Variants in COL22A1 observed in about 807,000 individuals in gnomAD.
The protein encoded by COL22A1 is collagen type XXII alpha 1 chain, also known as collagen alpha-1(XXII) chain.
In COL22A1, 221 loss-of-function variants were observed where a neutral mutation model predicts 248.9. That is an observed-to-expected ratio of 0.89 (90% CI 0.80 to 0.99). COL22A1 has a LOEUF of 0.99. Among genes scored for constraint, COL22A1 ranks in the 50% least tolerant of loss-of-function variants. COL22A1 has a pLI of 0.00. For synonymous variants in COL22A1, 891 were observed against 793.4 expected (o/e 1.12, Z -2.07); for missense variants, 2,240 against 2,179.0 (o/e 1.03, Z -0.56).
chr8:138,692,924 C>T (rs914794477), intron 35 of COL22A1, among the ~76,000 whole-genome samples: 2 of 152,162 alleles, frequency 1.3e-5, no homozygotes, highest in African/African-American at 2.4e-5. Flanking sequence ...GTCATATCAG[C>T]ACCCTCTACC....
chr8:138,696,484 C>A (rs1206568573), intron 32 of COL22A1, among the ~76,000 whole-genome samples: 3 of 152,186 alleles, frequency 2.0e-5, no homozygotes, highest in African/African-American at 7.2e-5. Context: ...GTGGAGAAAT[C>A]AGCATAGAAA....
At chr8:138,631,876 T>C (rs62527863) in intron 49 of COL22A1, among the ~76,000 whole-genome samples, 14,920 of 152,250 alleles carry the variant, frequency 0.098, 1,654 homozygotes, top group African/African-American at 0.27. Context: ...CTAGTGTTTA[T>C]TGATTTCTCA....
intron 4 of COL22A1, among the ~76,000 whole-genome samples, chr8:138,838,248 G>T (rs1318544814): frequency 6.6e-6 from 1 of 152,162 alleles, no homozygotes; most frequent in Non-Finnish European, 1.5e-5. Context: ...TCTCACAGAG[G>T]TGGGGTCCCT....
In COL22A1 at chr8:138,803,610, C is replaced by T. The variant is rs148586525; in HGVS notation, c.1495-676G>A. On this transcript the variant is annotated intron_variant, in intron 10 of 64. Transcript: ENST00000303045. The stretch of plus-strand genomic sequence containing the variant: ...TTCAATTTGTATAACAAGTCCATCC[C>T]TGTGTACCTGGGGCCCTCATAACTG... Among the ~76,000 whole-genome samples, 404 of 152,294 alleles carry T rather than the reference C, an allele frequency of 2.7e-3. 1 individual carries two copies. The highest frequency in any genetic ancestry group is 9.2e-3 in the African/African-American group (382 of 41,558).
intron 1 of COL22A1, among the ~76,000 whole-genome samples, chr8:138,896,121 G>C (rs558364517): frequency 6.6e-6 from 1 of 152,224 alleles, no homozygotes; most frequent in South Asian, 2.1e-4. Flanking sequence ...CCACTCACAG[G>C]CTTACCTTTG....
chr8:138,706,120 C>T (rs1484805271), intron 30 of COL22A1, among the ~76,000 whole-genome samples: 1 of 152,164 alleles, frequency 6.6e-6, no homozygotes, highest in Non-Finnish European at 1.5e-5. Flanking sequence ...AATACAGGAG[C>T]ACCCAGATTC....
chr8:138,639,950 C>A (rs1353723522), intron 47 of COL22A1, among the ~76,000 whole-genome samples: 1 of 152,200 alleles, frequency 6.6e-6, no homozygotes, highest in African/African-American at 2.4e-5. Flanking sequence ...ACATAGACGG[C>A]CACCGCAATT....
At chr8:138,738,596 T>C (rs1831308979) in intron 22 of COL22A1, among the ~76,000 whole-genome samples, 1 of 152,222 alleles carries the variant, frequency 6.6e-6, no homozygotes, top group Non-Finnish European at 1.5e-5. Context: ...AATGCCCATG[T>C]TCTCATCCCA....
At chr8:138,737,657 C>T (rs754552715) in intron 22 of COL22A1, 80 bp from the exon 23 acceptor site, 159 of 926,742 alleles carry the variant, frequency 1.7e-4, no homozygotes, top group Non-Finnish European at 2.6e-4. Context: ...TCTCGGTGGA[C>T]ATTTGGGTCT....
intron 3 of COL22A1, 51 bp downstream of exon 3, chr8:138,877,699 G>T (rs753332046): frequency 2.0e-6 from 3 of 1,505,196 alleles, no homozygotes; most frequent in Admixed American, 2.1e-5. Flanking sequence ...CGTGGGCTCA[G>T]CAGGGGGCGT....
intron 3 of COL22A1, among the ~76,000 whole-genome samples, chr8:138,858,040 C>T (rs1375958501): frequency 6.6e-6 from 1 of 152,250 alleles, no homozygotes; most frequent in Non-Finnish European, 1.5e-5. Flanking sequence ...GACCCAAGGT[C>T]ATGGCCCTGG....
intron 41 of COL22A1, among the ~76,000 whole-genome samples, chr8:138,675,662 T>C (rs1299829905): frequency 1.3e-5 from 2 of 152,176 alleles, no homozygotes; most frequent in African/African-American, 4.8e-5. Flanking sequence ...TAAGAGGGTA[T>C]GATGTCTTTA....
intron 35 of COL22A1, among the ~76,000 whole-genome samples, chr8:138,692,262 G>GGAGGCGTGTGTGTGTACATGTGTGTA (rs1564201708): frequency 7.0e-6 from 1 of 143,596 alleles, no homozygotes; most frequent in Admixed American, 7.0e-5. Context: ...GTGTGCGTGT[G>GGAGGCGTGTGTGTGTACATGTGTGTA]TGCATGTTTG....
intron 47 of COL22A1, among the ~76,000 whole-genome samples, chr8:138,637,423 C>T (rs771834202): frequency 5.3e-5 from 8 of 152,124 alleles, no homozygotes; most frequent in Non-Finnish European, 8.8e-5. Context: ...CTTTGAGGAG[C>T]CACTTCACTA....
intron 41 of COL22A1, among the ~76,000 whole-genome samples, chr8:138,664,209 GCACACACACACACACACACACA>G (rs1173353118): frequency 2.9e-5 from 3 of 103,204 alleles, no homozygotes; most frequent in African/African-American, 8.0e-5. Flanking sequence ...GCGCGCGCGC[GCACACACACACACACACACACA>G]CACACACACA....
intron 3 of COL22A1, among the ~76,000 whole-genome samples, chr8:138,869,830 C>T (rs1823182376): frequency 6.6e-6 from 1 of 152,194 alleles, no homozygotes; most frequent in Non-Finnish European, 1.5e-5. Context: ...TCCAAACCCA[C>T]AACCCACACT....
At chr8:138,682,137 G>T (rs1826011584) in intron 39 of COL22A1, among the ~76,000 whole-genome samples, 1 of 152,154 alleles carries the variant, frequency 6.6e-6, no homozygotes, top group Admixed American at 6.5e-5. Flanking sequence ...AGTATAGAAA[G>T]AAATAAATAA....
chr8:138,861,424 T>C (rs1010324028), intron 3 of COL22A1, among the ~76,000 whole-genome samples: 3 of 152,158 alleles, frequency 2.0e-5, no homozygotes, highest in African/African-American at 7.2e-5. Context: ...CCACCAGTTA[T>C]CCACCCCCTC....
At position 138,593,969 on chromosome 8, in the gene COL22A1, C is replaced by T. The variant is rs574848231; in HGVS notation, c.4615+48G>A. 59 of 1,408,014 alleles carry T rather than the reference C, an allele frequency of 4.2e-5. No individual in the cohort carries two copies. The East Asian group carries it at 6.5e-4, about 16-fold the overall frequency. The allele number at this position is 1,408,014 out of a possible 1,614,324, so 87.2% of individuals were successfully genotyped here. On this transcript the variant is annotated intron_variant, in intron 63 of 64. Coordinates refer to ENST00000303045, the MANE Select transcript of COL22A1 (RefSeq NM_152888.3). ...CCACCTCCCAGCCCTGTTCCTTCTCCGCCCTCCAGGAGTACACGGAGCATA... is the reference window on the plus strand; with the variant it reads ...CCACCTCCCAGCCCTGTTCCTTCTCTGCCCTCCAGGAGTACACGGAGCATA...
Sources: gnomAD v4.1 joint callset for allele counts (sites outside exome capture counted in the v4.1 genomes callset) on GRCh38, gnomAD v4.1.1 for gene constraint, MANE v1.5 for transcripts, NCBI Gene and HGNC (gene_info 2026-07-23, HGNC 2026-07-21) for gene names.